PTPRS: variants seen among roughly 807,000 people sequenced by gnomAD.
PTPRS encodes the protein protein tyrosine phosphatase receptor type S, also known as receptor-type tyrosine-protein phosphatase S.
Under a neutral mutation model 215.3 loss-of-function variants are expected in PTPRS, and 63 were observed. The observed-to-expected ratio is 0.29, with a 90% CI of 0.24 to 0.36. PTPRS has a LOEUF of 0.36. Among genes scored for constraint, PTPRS ranks in the 10% least tolerant of loss-of-function variants. The pLI is 1.00. For synonymous variants in PTPRS, 1,404 were observed against 1,191.4 expected, an observed-to-expected ratio of 1.18 and a Z score of -3.68; for missense variants, 2,258 against 2,825.8, an observed-to-expected ratio of 0.80 and a Z score of 4.56.
chr19:5,323,168 C>T (rs138565475), intron 1 of PTPRS, among the ~76,000 whole-genome samples: 2 of 151,914 alleles, frequency 1.3e-5, no homozygotes, highest in South Asian at 4.1e-4. Flanking sequence ...ACCAGCCTGA[C>T]CAACATGGCA....
At chr19:5,269,120 C>T (rs533908225) in intron 4 of PTPRS, among the ~76,000 whole-genome samples, 62 of 152,114 alleles carry the variant, frequency 4.1e-4, no homozygotes, top group Non-Finnish European at 8.5e-4. Context: ...CGTGTGCCTA[C>T]GAGGGAACCC....
chr19:5,255,833 C>T (rs1439620883), intron 9 of PTPRS, among the ~76,000 whole-genome samples: 1 of 152,234 alleles, frequency 6.6e-6, no homozygotes, highest in Non-Finnish European at 1.5e-5. Context: ...GCAAGCATCG[C>T]ATGTGTGCGG....
chr19:5,212,557 C>CA, intron 30 of PTPRS, 66 bp from the exon 31 acceptor site: 2 of 1,517,890 alleles, frequency 1.3e-6, no homozygotes, highest in Non-Finnish European at 1.8e-6. Context: ...TGAAGATGCC[C>CA]AAGTGGCCGG....
chr19:5,335,366 C>T (rs557547273), intron 1 of PTPRS, among the ~76,000 whole-genome samples: 8 of 152,318 alleles, frequency 5.3e-5, no homozygotes, highest in African/African-American at 1.7e-4. Context: ...TCAGGCAACC[C>T]GCCCTAGTTT....
In PTPRS at chr19:5,216,969, C is replaced by A. The variant is rs62113239; in HGVS notation, c.4049-202G>T. On this transcript the variant is annotated intron_variant, in intron 25 of 37. Coordinates refer to ENST00000262963, the MANE Select transcript of PTPRS (RefSeq NM_002850.4). ...TGTACCCCTCTGGCTGGACACCAGT[C>A]AATCCTGGTCTTGACCCGTCACTCT... Among the ~76,000 whole-genome samples, 9 of 152,324 alleles carry A rather than the reference C, an allele frequency of 5.9e-5. No individual in the cohort carries two copies. In the South Asian group the frequency reaches 1.0e-3, roughly 18 times the overall value.
chr19:5,254,314 A>C (rs2045384237), intron 9 of PTPRS, among the ~76,000 whole-genome samples: 1 of 152,222 alleles, frequency 6.6e-6, no homozygotes, highest in African/African-American at 2.4e-5. Context: ...GTGAGGGACA[A>C]GAGGGGGAAA....
chr19:5,219,855 CCA>C (rs2041820610), intron 22 of PTPRS, 82 bp downstream of exon 22: 5 of 1,462,918 alleles, frequency 3.4e-6, no homozygotes, highest in East Asian at 2.3e-5. Flanking sequence ...CTGTGACTGA[CCA>C]CAGAGGTCAG....
intron 1 of PTPRS, among the ~76,000 whole-genome samples, chr19:5,315,438 A>C (rs1048550666): frequency 3.7e-4 from 49 of 131,644 alleles, no homozygotes; most frequent in Middle Eastern, 9.3e-3. Context: ...ATCATGGCTC[A>C]CCACAGCCTT....
intron 1 of PTPRS, among the ~76,000 whole-genome samples, chr19:5,289,193 C>A (rs2048610075): frequency 6.6e-6 from 1 of 152,166 alleles, no homozygotes; most frequent in Admixed American, 6.5e-5. Flanking sequence ...CCCACCGACT[C>A]CTGCTTCCAC....
chr19:5,274,178 C>T (rs2047162572), intron 3 of PTPRS, 21 bp downstream of exon 3: 1 of 1,596,688 alleles, frequency 6.3e-7, no homozygotes, highest in Non-Finnish European at 8.6e-7. Flanking sequence ...CCCCAGGCTG[C>T]CTCCCCCTAC....
chr19:5,315,675 A>C (rs2049854457), intron 1 of PTPRS, among the ~76,000 whole-genome samples: 1 of 149,730 alleles, frequency 6.7e-6, no homozygotes, highest in Admixed American at 6.7e-5. Flanking sequence ...AGTTTTTTGC[A>C]GAGATGGCGT....
intron 16 of PTPRS, among the ~76,000 whole-genome samples, chr19:5,227,909 T>C (rs1379816580): frequency 1.3e-5 from 2 of 152,070 alleles, no homozygotes; most frequent in African/African-American, 2.4e-5. Context: ...CACAGCATCA[T>C]GTGTGCCCAT....
In PTPRS at chr19:5,225,798, G is replaced by A. The variant is rs748896771; in HGVS notation, c.2423C>T (p.Thr808Met). Residue 808 changes from threonine (T) to methionine (M), a missense_variant, in exon 17 of 38, where the codon ACG becomes ATG. Thr to Met is a moderately conservative substitution (Grantham distance 81). Coordinates refer to ENST00000262963, the MANE Select transcript of PTPRS (RefSeq NM_002850.4). ...NLQPETAYSI[T>M]VAAYTMKGDG... Reference sequence around the variant, plus strand: ...GCCCTTCATGGTGTAGGCGGCTACCGTGATGGAGTACGCGGTCTCAGGCTG... The same window carrying A: ...GCCCTTCATGGTGTAGGCGGCTACCATGATGGAGTACGCGGTCTCAGGCTG... 24 of 1,613,962 alleles carry A rather than the reference G, an allele frequency of 1.5e-5. No homozygotes were observed. The highest frequency in any genetic ancestry group is 1.9e-5 in the Non-Finnish European group (23 of 1,180,004).
chr19:5,272,595 CAAAAAAAAAAAAAAAAAAAAAAAAAAAAA>C (rs10527451), intron 4 of PTPRS, among the ~76,000 whole-genome samples: 7,413 of 73,652 alleles, frequency 0.1, 372 homozygotes, highest in South Asian at 0.19. Context: ...AAGACTGTCT[CAAAAAAAAAAAAAAAAAAAAAAAAAAAAA>C]AAAAAAAAAA....
At chr19:5,318,865 C>T (rs574175429) in intron 1 of PTPRS, among the ~76,000 whole-genome samples, 2 of 152,308 alleles carry the variant, frequency 1.3e-5, no homozygotes, top group South Asian at 4.1e-4. Context: ...GTCAGGGTGT[C>T]TAGCACCCTA....
intron 1 of PTPRS, among the ~76,000 whole-genome samples, chr19:5,306,783 C>T (rs2049509506): frequency 1.3e-5 from 2 of 152,156 alleles, no homozygotes; most frequent in South Asian, 4.1e-4. Flanking sequence ...CAAGCAGGTT[C>T]CCCTCCTACA....
In PTPRS at chr19:5,293,907, C is replaced by T. The variant is rs531845753; in HGVS notation, c.-94-7673G>A. On this transcript the variant is annotated intron_variant, in intron 1 of 37. Transcript: ENST00000262963. This position sits in a 1 kb window ranked among gnomAD's most constrained non-coding sequence, Gnocchi z 8.4. Reference sequence around the variant, plus strand: ...ACAGATGGGGCCGCCGTGCCAGGCCCGCGACACCGGAGCAGAGGGAGAGGA... The same window carrying T: ...ACAGATGGGGCCGCCGTGCCAGGCCTGCGACACCGGAGCAGAGGGAGAGGA... Among the ~76,000 whole-genome samples the T allele has an allele frequency of 6.6e-6, 1 of 152,282 alleles. No homozygotes were observed. Among genetic ancestry groups the T allele is most frequent in the East Asian group, 1.9e-4 (1 of 5,152 alleles).
At chr19:5,296,683 C>G (rs117102493) in intron 1 of PTPRS, among the ~76,000 whole-genome samples, 5,954 of 127,040 alleles carry the variant, frequency 0.047, 266 homozygotes, top group East Asian at 0.2. Context: ...GCCAGTGTTG[C>G]TGGAGCAGAG....
chr19:5,214,371 G>C lies in PTPRS; in HGVS notation c.4604C>G (p.Ser1535Cys). The change falls in exon 30 of 38, where the codon TCT becomes TGT. Residue 1535 changes from serine to cysteine, a missense_variant. This residue lies in a region of PTPRS where 927 missense variants were observed against 1,125.9 expected (regional missense o/e 0.82). Coordinates refer to ENST00000262963, the MANE Select transcript of PTPRS (RefSeq NM_002850.4). ...ELATFCVRTFSLHKNGSSEKR... is the reference protein window; with the variant it reads ...ELATFCVRTFCLHKNGSSEKR... ...CAGCCTGGGCCCCACCTTGTGCAGA[G>C]AGAATGTCCTGACGCAGAATGTGGC... 3 of 1,614,120 alleles carry C rather than the reference G, an allele frequency of 1.9e-6. No individual in the cohort carries two copies. The highest frequency in any genetic ancestry group is 2.5e-6 in the Non-Finnish European group (3 of 1,180,022).
Sources: gnomAD v4.1 joint callset for allele counts (sites outside exome capture counted in the v4.1 genomes callset) on GRCh38, gnomAD v4.1.1 for gene constraint, gnomAD v4.1.1 regional missense constraint, Gnocchi (gnomAD v3.1) non-coding constraint, MANE v1.5 for transcripts, NCBI Gene and HGNC (gene_info 2026-07-23, HGNC 2026-07-21) for gene names.